Variants in ZSCAN10 observed in about 807,000 individuals in gnomAD.
The protein encoded by ZSCAN10 is zinc finger and SCAN domain containing 10, also known as zinc finger and SCAN domain-containing protein 10.
Under a neutral mutation model 63.7 loss-of-function variants are expected in ZSCAN10, and 52 were observed. The observed-to-expected ratio is 0.82, with a 90% CI of 0.65 to 1.03. The LOEUF (loss-of-function observed/expected upper bound fraction) is 1.03, where lower values mean the gene tolerates loss of function less well. ZSCAN10 is among the 50% of genes least tolerant of loss of function. The pLI, the probability that ZSCAN10 is intolerant of heterozygous loss-of-function variation, is 0.00. For missense variants in ZSCAN10, 1,223 were observed against 1,103.8 expected, an observed-to-expected ratio of 1.11 and a Z score of -1.53; for synonymous variants, 544 against 479.6, an observed-to-expected ratio of 1.13 and a Z score of -1.76.
intron 1 of ZSCAN10, among the ~76,000 whole-genome samples, chr16:3,097,154 G>C (rs1053880800): frequency 6.6e-6 from 1 of 151,822 alleles, no homozygotes; most frequent in Non-Finnish European, 1.5e-5. Flanking sequence ...CGATGGCCTA[G>C]TTGAGAGCCT....
rs1283807157 is a variant in ZSCAN10 at position 3,089,960 on chromosome 16, T to C, written c.1474A>G (p.Lys492Glu). The C allele has an allele frequency of 6.5e-7, 1 of 1,543,462 alleles. No homozygotes were observed. Among genetic ancestry groups the C allele is most frequent in the Non-Finnish European group, 8.7e-7 (1 of 1,147,362 alleles). The change falls in exon 6 of 6, where the codon AAG (lysine) becomes GAG (glutamate). Residue 492 changes from lysine to glutamate, a missense_variant. Coordinates refer to ENST00000576985, the MANE Select transcript of ZSCAN10 (RefSeq NM_032805.3). ...CTGGCGTGGATCCGCAGGTGGCGCT[T>C]GAGGCTGGAGCGGCGCTGGAAGCTC... is the stretch of plus-strand genomic sequence containing the variant. ...GQSFQRRSSL[K>E]RHLRIHARDK...
At position 3,097,899 on chromosome 16, in the gene ZSCAN10, C is replaced by T. The variant is rs890593061; in HGVS notation, c.-68+1291G>A. ...GATCAGAAAAATGGTGTTGTGAGGC[C>T]GGATGCGGTGGCTCATGCTTATAAT... On this transcript the variant is annotated intron_variant, in intron 1 of 5. Coordinates refer to ENST00000576985, the MANE Select transcript of ZSCAN10 (RefSeq NM_032805.3). Among the ~76,000 whole-genome samples, 4 of 151,682 alleles carry T rather than the reference C, an allele frequency of 2.6e-5. No homozygotes were observed. In the South Asian group the frequency reaches 6.3e-4, roughly 24 times the overall value.
rs1361319090 is a variant in ZSCAN10, at chr16:3,090,328, G to C, written c.1106C>G (p.Ser369Trp). 1.2e-6 allele frequency: 2 copies of C among 1,609,812 alleles called. No individual in the cohort carries two copies. Among genetic ancestry groups the C allele is most frequent in the Non-Finnish European group, 1.7e-6 (2 of 1,178,468 alleles). ...LSRLKAHQLR[S>W]HPAGRSFLCL... ...CAGGAAGGAGCGCCCAGCCGGGTGC[G>C]AGCGCAGCTGGTGCGCCTTCAGGCG... is the stretch of plus-strand genomic sequence containing the variant. Residue 369 changes from serine (S) to tryptophan (W), a missense_variant, in exon 6 of 6, where the codon TCG (serine) becomes TGG (tryptophan). Transcript: ENST00000576985.
chr16:3,097,391 C>T (rs1267807937), intron 1 of ZSCAN10, among the ~76,000 whole-genome samples: 2 of 152,188 alleles, frequency 1.3e-5, no homozygotes, highest in African/African-American at 4.8e-5. Flanking sequence ...CCTCAGCCAC[C>T]TGGGGAAGGA....
intron 1 of ZSCAN10, among the ~76,000 whole-genome samples, chr16:3,095,602 G>A (rs952259260): frequency 4.6e-5 from 7 of 151,852 alleles, no homozygotes; most frequent in Non-Finnish European, 8.8e-5. Flanking sequence ...GAGGCCGAGG[G>A]TGGATCACCA....
chr16:3,091,650 G>A (rs1957078006), intron 4 of ZSCAN10, 53 bp from the exon 5 acceptor site: 1 of 1,611,384 alleles, frequency 6.2e-7, no homozygotes, highest in Middle Eastern at 1.7e-4. Context: ...TCAGGAACCT[G>A]TGGGGACTGA....
chr16:3,096,863 A>C lies in ZSCAN10; in HGVS notation c.-68+2327T>G, dbSNP rs889179999. ...AGAATTGCTTGAACCTGGGAGGCGG[A>C]GGTTGCAGTGAGACGAGATCGTGCC... On this transcript the variant is annotated intron_variant, in intron 1 of 5. Transcript: ENST00000576985. Among the ~76,000 whole-genome samples, 5 of 149,778 alleles carry C rather than the reference A, an allele frequency of 3.3e-5. No individual in the cohort carries two copies. In the South Asian group the frequency reaches 8.4e-4, roughly 25 times the overall value.
Position 3,090,272 on chromosome 16 carries a change from T to G in ZSCAN10, c.1162A>C (p.Ser388Arg), listed in dbSNP as rs1466038166. ...CGCATGTGCAGCTTGAGAATGGAGC[T>G]GCGGCCGAAGCTCTTCCCGCAGCAA... ...CLCCGKSFGR[S>R]SILKLHMRTH... Residue 388 changes from serine to arginine, a missense_variant, in exon 6 of 6, where the codon AGC becomes CGC. Physicochemically the swap from Ser to Arg is moderately radical, Grantham distance 110. Coordinates refer to ENST00000576985, the MANE Select transcript of ZSCAN10 (RefSeq NM_032805.3). 1 of 1,608,722 alleles carries G rather than the reference T, an allele frequency of 6.2e-7. No homozygotes were observed. The highest frequency in any genetic ancestry group is 8.5e-7 in the Non-Finnish European group (1 of 1,179,304).
In ZSCAN10 at chr16:3,099,224, G is replaced by C. The variant is rs1957191855; in HGVS notation, c.-102C>G. ...TCCCCACTACACAGGCAGAGATGCTGGGGGGTTTTCTGAGGACTCCAGGGC... is the reference window on the plus strand; with the variant it reads ...TCCCCACTACACAGGCAGAGATGCTCGGGGGTTTTCTGAGGACTCCAGGGC... On this transcript the variant is annotated 5_prime_UTR_variant, in exon 1 of 6. Coordinates refer to ENST00000576985, the MANE Select transcript of ZSCAN10 (RefSeq NM_032805.3). 1 of 152,460 alleles carries C rather than the reference G, an allele frequency of 6.6e-6. No homozygotes were observed. The highest frequency in any genetic ancestry group is 2.1e-4 in the South Asian group (1 of 4,846). The allele number at this position is 152,460 out of a possible 1,614,324, so 9.4% of individuals were successfully genotyped here. A position where few individuals can be genotyped will look rare whatever the true frequency, so the allele number is the denominator to read the frequency against.
At chr16:3,093,033 T>C (rs1957107253) in intron 1 of ZSCAN10, 29 bp from the exon 2 acceptor site, 1 of 1,329,416 alleles carries the variant, frequency 7.5e-7, no homozygotes, top group Admixed American at 3.5e-5. Flanking sequence ...TGGGTTAGGA[T>C]CTGCTGCGAG....
intron 4 of ZSCAN10, 43 bp downstream of exon 4, chr16:3,091,721 G>A: frequency 6.3e-7 from 1 of 1,589,334 alleles, no homozygotes; most frequent in Non-Finnish European, 8.6e-7. Context: ...GGGTAGAGAA[G>A]TTCCTGGGGC....
rs531903935 is a variant in ZSCAN10, at chr16:3,089,256, G to A, written c.2178C>T (p.Cys726=). The A allele has an allele frequency of 6.3e-6, 10 of 1,578,076 alleles. No individual in the cohort carries two copies. Among genetic ancestry groups the A allele is most frequent in the South Asian group, 3.4e-5 (3 of 87,242 alleles). The change falls in exon 6 of 6, where the codon TGC becomes TGT. Residue 726 remains cysteine, a synonymous_variant. Transcript: ENST00000576985. ...GQEQAEPPQE[C]VECGKSFSRS... Reference sequence around the variant, plus strand: ...GGCTGAAGCTCTTCCCGCACTCCACGCACTCCTGCGGGGGCTCGGCCTGCT... The same window carrying A: ...GGCTGAAGCTCTTCCCGCACTCCACACACTCCTGCGGGGGCTCGGCCTGCT...
chr16:3,091,677 G>C, intron 4 of ZSCAN10, 80 bp from the exon 5 acceptor site: 1 of 1,609,408 alleles, frequency 6.2e-7, no homozygotes, highest in African/African-American at 1.3e-5. Flanking sequence ...TCCTAGGACT[G>C]AATCAGGGAA....
rs763679597 is a variant in ZSCAN10 at position 3,090,278 on chromosome 16, C to T, written c.1156G>A (p.Gly386Ser). 1 of 1,608,748 alleles carries T rather than the reference C, an allele frequency of 6.2e-7. No individual in the cohort carries two copies. The stretch of plus-strand genomic sequence containing the variant: ...TGCAGCTTGAGAATGGAGCTGCGGC[C>T]GAAGCTCTTCCCGCAGCAAAGGCAC... ...FLCLCCGKSF[G>S]RSSILKLHMR... Residue 386 changes from glycine (G) to serine (S), a missense_variant, in exon 6 of 6, where the codon GGC (glycine) becomes AGC (serine). Gly to Ser is a moderately conservative substitution (Grantham distance 56). Transcript: ENST00000576985.
chr16:3,089,401 G>T lies in ZSCAN10; in HGVS notation c.2033C>A (p.Ala678Asp). The T allele has an allele frequency of 6.2e-7, 1 of 1,600,434 alleles. No homozygotes were observed. The change falls in exon 6 of 6, where the codon GCC (alanine) becomes GAC (aspartate). Residue 678 changes from alanine (A) to aspartate (D), a missense_variant. By Grantham distance (126) the Ala-to-Asp change is moderately radical. Coordinates refer to ENST00000576985, the MANE Select transcript of ZSCAN10 (RefSeq NM_032805.3). ...GHRFRNSSNLARHRRSHTGER... is the reference protein window; with the variant it reads ...GHRFRNSSNLDRHRRSHTGER... ...GCCCGTGTGGCTGCGGCGATGGCGG[G>T]CCAGGTTGGAGCTATTGCGGAAACG...
intron 3 of ZSCAN10, 34 bp from the exon 4 acceptor site, chr16:3,091,862 G>T: frequency 6.3e-7 from 1 of 1,578,910 alleles, no homozygotes; most frequent in Non-Finnish European, 8.6e-7. Context: ...AGGAAGTGCT[G>T]TTAGAAGGCA....
At chr16:3,091,413 G>C in intron 5 of ZSCAN10, 127 bp downstream of exon 5, 1 of 1,020,314 alleles carries the variant, frequency 9.8e-7, no homozygotes, top group Non-Finnish European at 1.5e-6. Flanking sequence ...GGAGGCTGAG[G>C]TGGGAGGATC....
intron 1 of ZSCAN10, among the ~76,000 whole-genome samples, chr16:3,095,009 A>C (rs1299103033): frequency 6.6e-6 from 1 of 151,860 alleles, no homozygotes; most frequent in Non-Finnish European, 1.5e-5. Flanking sequence ...AGTTTGGAGA[A>C]GGGGCCTGAT....
chr16:3,094,422 C>T (rs750290925), intron 1 of ZSCAN10, among the ~76,000 whole-genome samples: 1 of 152,160 alleles, frequency 6.6e-6, no homozygotes, highest in East Asian at 1.9e-4. Flanking sequence ...CTCGGCTCAC[C>T]GCAACCTCCG....
Sources: gnomAD v4.1 joint callset for allele counts (sites outside exome capture counted in the v4.1 genomes callset) on GRCh38, gnomAD v4.1.1 for gene constraint, MANE v1.5 for transcripts, NCBI Gene and HGNC (gene_info 2026-07-23, HGNC 2026-07-21) for gene names.